The following SLC24A2 variants were observed in gnomAD, a reference collection of about 807,000 sequenced individuals.
SLC24A2 encodes solute carrier family 24 member 2.
A neutral mutation model predicts 62.0 loss-of-function variants in SLC24A2; 36 were observed. The observed-to-expected ratio is 0.58, with a 90% CI of 0.44 to 0.77. The LOEUF is 0.77. Among genes scored for constraint, SLC24A2 ranks in the 30% least tolerant of loss-of-function variants. SLC24A2 has a pLI of 0.00. For synonymous variants in SLC24A2, 358 were observed against 294.0 expected, an observed-to-expected ratio of 1.22 and a Z score of -2.23; for missense variants, 846 against 817.9, an observed-to-expected ratio of 1.03 and a Z score of -0.42.
the SLC24A2 span, among the ~76,000 whole-genome samples, chr9:20,081,453 G>T: frequency 1.7e-5 from 2 of 119,790 alleles, no homozygotes; most frequent in Non-Finnish European, 3.2e-5. Context: ...ACAGGAAGGG[G>T]AAAATCAGAC....
chr9:19,612,001 A>G (rs770022077), intron 4 of SLC24A2, among the ~76,000 whole-genome samples: 13 of 152,156 alleles, frequency 8.5e-5, no homozygotes, highest in African/African-American at 1.4e-4. Flanking sequence ...TGACTCTACT[A>G]TCCTAGGACT....
Position 19,512,141 on chromosome 9 carries a change from T to C in SLC24A2, c.*4012A>G, listed in dbSNP as rs538225460. ...CTGTTCCAGAGGCCTTTAAAAGCTA[T>C]GTGCAGTGGTGGGGAGTTTGCCAAC... On this transcript the variant is annotated 3_prime_UTR_variant, in exon 11 of 11. Coordinates refer to ENST00000341998, the MANE Select transcript of SLC24A2 (RefSeq NM_020344.4). 65 of 152,336 alleles carry C rather than the reference T, an allele frequency of 4.3e-4. No homozygotes were observed. Among genetic ancestry groups the C allele is most frequent in the African/African-American group, 1.6e-3 (65 of 41,576 alleles). The allele number at this position is 152,336 out of a possible 1,614,324, so 9.4% of individuals were successfully genotyped here. A position where few individuals can be genotyped will look rare whatever the true frequency, so the allele number is the denominator to read the frequency against.
At chr9:20,012,378 A>G in the SLC24A2 span, among the ~76,000 whole-genome samples, 3 of 152,180 alleles carry the variant, frequency 2.0e-5, no homozygotes, top group Non-Finnish European at 4.4e-5. Context: ...CATCATGAGA[A>G]CAGCGCAGGA....
intron 10 of SLC24A2, among the ~76,000 whole-genome samples, chr9:19,520,277 TA>T (rs923668480): frequency 6.6e-6 from 1 of 152,214 alleles, no homozygotes; most frequent in Non-Finnish European, 1.5e-5. Flanking sequence ...ACAAGTTAAA[TA>T]AAATGGTGGA....
the SLC24A2 span, among the ~76,000 whole-genome samples, chr9:20,225,949 G>A: frequency 6.6e-6 from 1 of 151,946 alleles, no homozygotes; most frequent in African/African-American, 2.4e-5. Context: ...GGGAGGAAGA[G>A]AGAGAGGGAA....
chr9:19,955,615 T>C, the SLC24A2 span, among the ~76,000 whole-genome samples: 1 of 152,142 alleles, frequency 6.6e-6, no homozygotes, highest in Admixed American at 6.5e-5. Flanking sequence ...ATGTAATATG[T>C]AAAAATAAAA....
the SLC24A2 span, among the ~76,000 whole-genome samples, chr9:19,829,664 G>T: frequency 6.6e-6 from 1 of 151,786 alleles, no homozygotes; most frequent in Middle Eastern, 3.4e-3. Flanking sequence ...CCAAGAGTTA[G>T]AGGCTGCAGT....
At chr9:19,979,610 T>C in the SLC24A2 span, among the ~76,000 whole-genome samples, 1 of 152,182 alleles carries the variant, frequency 6.6e-6, no homozygotes, top group African/African-American at 2.4e-5. Context: ...CATCATTCTC[T>C]AGCATCGATC....
chr9:19,850,303 A>G, the SLC24A2 span, among the ~76,000 whole-genome samples: 3 of 152,238 alleles, frequency 2.0e-5, no homozygotes, highest in South Asian at 6.2e-4. Flanking sequence ...GAATTTTTCT[A>G]ATTTATATTT....
chr9:20,075,844 A>C, the SLC24A2 span, among the ~76,000 whole-genome samples: 12 of 152,206 alleles, frequency 7.9e-5, no homozygotes, highest in Admixed American at 1.3e-4. Flanking sequence ...ATCCCTCGGC[A>C]TCCATGAGGA....
chr9:19,797,373 A>G, the SLC24A2 span, among the ~76,000 whole-genome samples: 1 of 152,150 alleles, frequency 6.6e-6, no homozygotes, highest in African/African-American at 2.4e-5. Context: ...CCTTTTTACT[A>G]TATTTGTTCT....
At chr9:19,589,002 A>C (rs995430356) in intron 5 of SLC24A2, among the ~76,000 whole-genome samples, 4 of 152,194 alleles carry the variant, frequency 2.6e-5, no homozygotes, top group African/African-American at 9.6e-5. Flanking sequence ...ATTCATTGTT[A>C]GTGTGAGCAT....
At chr9:19,787,355 C>A (rs2118952242) in intron 1 of SLC24A2, among the ~76,000 whole-genome samples, 1 of 152,290 alleles carries the variant, frequency 6.6e-6, no homozygotes, top group Admixed American at 6.5e-5. Context: ...AGGTGAAAAT[C>A]TATCAGATTA....
chr9:19,564,183 C>T (rs905576218), intron 7 of SLC24A2, among the ~76,000 whole-genome samples: 2 of 151,516 alleles, frequency 1.3e-5, no homozygotes, highest in Non-Finnish European at 2.9e-5. Flanking sequence ...AAATCAACCT[C>T]AGAGAACTAA....
At chr9:19,882,239 AC>A in the SLC24A2 span, among the ~76,000 whole-genome samples, 21,721 of 152,152 alleles carry the variant, frequency 0.14, 1,677 homozygotes, top group Middle Eastern at 0.27. Context: ...ACCTCACCAC[AC>A]CCTGGCCAAT....
chr9:19,688,178 T>C (rs931909352), intron 2 of SLC24A2, among the ~76,000 whole-genome samples: 16 of 152,132 alleles, frequency 1.1e-4, no homozygotes, highest in African/African-American at 3.6e-4. Flanking sequence ...TATTTTAGTT[T>C]AGAATATGTT....
At chr9:19,940,237 A>G in the SLC24A2 span, among the ~76,000 whole-genome samples, 7 of 152,242 alleles carry the variant, frequency 4.6e-5, no homozygotes, top group Admixed American at 1.3e-4. Flanking sequence ...GCTCTTGAAT[A>G]TGGGATTGTG....
the SLC24A2 span, among the ~76,000 whole-genome samples, chr9:20,181,400 A>C: frequency 0.096 from 14,607 of 152,282 alleles, 903 homozygotes; most frequent in Non-Finnish European, 0.14. Context: ...ACAGGGTTAC[A>C]GTCACCAAAA....
chr9:20,275,268 G>A, the SLC24A2 span, among the ~76,000 whole-genome samples: 25 of 152,088 alleles, frequency 1.6e-4, no homozygotes, highest in Non-Finnish European at 2.8e-4. Context: ...TGAAAATCAC[G>A]GTACCAATGA....
Sources: allele counts gnomAD v4.1 joint callset (sites outside exome capture counted in the v4.1 genomes callset), GRCh38; gene constraint gnomAD v4.1.1; transcripts MANE v1.5; gene names NCBI Gene and HGNC (gene_info 2026-07-23, HGNC 2026-07-21).